The following MARK3 variants were observed in gnomAD, a reference collection of about 807,000 sequenced individuals.
The protein encoded by MARK3 is MAP/microtubule affinity-regulating kinase 3.
MARK3 carries 46 observed loss-of-function variants against 90.1 expected under a neutral mutation model. The ratio of observed to expected loss-of-function variants is 0.51; its 90% CI spans 0.40 to 0.65. The LOEUF is 0.65. Among genes scored for constraint, MARK3 ranks in the 30% least tolerant of loss-of-function variants. The pLI is 0.00. For missense variants in MARK3, 818 were observed against 947.2 expected (o/e 0.86, Z 1.79); for synonymous variants, 321 against 332.6 (o/e 0.97, Z 0.38).
chr14:103,470,709 A>G (rs2093612295), intron 12 of MARK3, among the ~76,000 whole-genome samples: 1 of 151,820 alleles, frequency 6.6e-6, no homozygotes, highest in South Asian at 2.1e-4. Context: ...CATCCACCTC[A>G]GCCTCCCAAA....
intron 15 of MARK3, among the ~76,000 whole-genome samples, chr14:103,495,874 G>A (rs1489323146): frequency 6.6e-6 from 1 of 152,236 alleles, no homozygotes; most frequent in Non-Finnish European, 1.5e-5. Flanking sequence ...ATAATTGGTA[G>A]GATTAAAATT....
rs149353753 is a variant in MARK3, at chr14:103,393,267, G to A, written c.51+7187G>A. Among the ~76,000 whole-genome samples, 54 of 152,154 alleles carry A rather than the reference G, an allele frequency of 3.5e-4. No homozygotes were observed. The East Asian group carries it at 0.01, about 29-fold the overall frequency. On this transcript the variant is annotated intron_variant, in intron 1 of 17. Coordinates refer to ENST00000429436, the MANE Select transcript of MARK3 (RefSeq NM_001128918.3). ...CTCCCAAAGTGCTGGAATTACAGGC[G>A]TGAGCCACTGTGCCCCGGCTTAATC...
intron 1 of MARK3, among the ~76,000 whole-genome samples, chr14:103,401,737 C>T (rs1286268611): frequency 6.6e-6 from 1 of 151,964 alleles, no homozygotes; most frequent in Non-Finnish European, 1.5e-5. Flanking sequence ...GTAAAAAAGC[C>T]AGTATGATGG....
intron 14 of MARK3, among the ~76,000 whole-genome samples, chr14:103,482,366 C>T (rs2093841427): frequency 3.3e-5 from 5 of 151,776 alleles, no homozygotes; most frequent in South Asian, 2.1e-4. Context: ...ACTAAAAATA[C>T]GAAAATTAAC....
intron 9 of MARK3, 64 bp from the exon 10 acceptor site, chr14:103,466,279 G>A: frequency 1.5e-6 from 2 of 1,347,804 alleles, no homozygotes; most frequent in East Asian, 4.8e-5. Context: ...ATAAATTTTT[G>A]TAAATATTAC....
chr14:103,493,344 T>C (rs1595933795), intron 15 of MARK3, among the ~76,000 whole-genome samples: 1 of 143,714 alleles, frequency 7.0e-6, no homozygotes, highest in East Asian at 2.2e-4. Context: ...AACCTCCGCC[T>C]AGATTAGGGA....
At chr14:103,458,006 C>A (rs1423497765) in intron 6 of MARK3, among the ~76,000 whole-genome samples, 1 of 152,194 alleles carries the variant, frequency 6.6e-6, no homozygotes, top group Admixed American at 6.5e-5. Context: ...GAGTCCCAAA[C>A]CCTCTGACCC....
rs1555395510 is a variant in MARK3, at chr14:103,468,314, C to CTTCT, written c.1264+130_1264+131insCTTT. ...CTTGGCATTGCTTTCTTTCTTTCTT[C>CTTCT]TTTTTTTTTTTTTTTTTTTTTTTTT... On this transcript the variant is annotated intron_variant, in intron 12 of 17. Coordinates refer to ENST00000429436, the MANE Select transcript of MARK3 (RefSeq NM_001128918.3). 407 of 116,136 alleles carry CTTCT rather than the reference C, an allele frequency of 3.5e-3. 40 individuals carry two copies. The highest frequency in any genetic ancestry group is 8.1e-3 in the African/African-American group (143 of 17,588). 7.2% of individuals were successfully genotyped at this position (116,136 alleles called of 1,614,324 possible). A position where few individuals can be genotyped will look rare whatever the true frequency, so the allele number is the denominator to read the frequency against.
At chr14:103,430,880 T>G (rs2092561573) in intron 3 of MARK3, among the ~76,000 whole-genome samples, 1 of 152,202 alleles carries the variant, frequency 6.6e-6, no homozygotes, top group South Asian at 2.1e-4. Context: ...TCCATTGTTT[T>G]TTAAGAGATG....
intron 12 of MARK3, among the ~76,000 whole-genome samples, chr14:103,473,502 C>G (rs747135954): frequency 6.6e-6 from 1 of 152,190 alleles, no homozygotes; most frequent in Non-Finnish European, 1.5e-5. Context: ...GTAGACGTCT[C>G]ATGGTATTGG....
chr14:103,462,193 C>T (rs1399119845), intron 6 of MARK3, among the ~76,000 whole-genome samples: 3 of 152,120 alleles, frequency 2.0e-5, no homozygotes, highest in African/African-American at 7.2e-5. Flanking sequence ...CAGTAGAAAA[C>T]GGAAGAACGT....
rs150138169 is a variant in MARK3 at position 103,412,705 on chromosome 14, G to C, written c.243+7438G>C. On this transcript the variant is annotated intron_variant, in intron 2 of 17. Coordinates refer to ENST00000429436, the MANE Select transcript of MARK3 (RefSeq NM_001128918.3). ...ACTTGGGGCACTTTCACTGGTTCCC[G>C]TGCAGGACTTCCTGCACCGCCTCAT... 1,167 of 630,352 alleles carry C rather than the reference G, an allele frequency of 1.9e-3. 27 individuals are homozygous for C. The highest frequency in any genetic ancestry group is 0.017 in the South Asian group (1,142 of 66,214). 39.0% of individuals were successfully genotyped at this position (630,352 alleles called of 1,614,324 possible). A position where few individuals can be genotyped will look rare whatever the true frequency, so the allele number is the denominator to read the frequency against.
chr14:103,390,274 C>T (rs564681990), intron 1 of MARK3, among the ~76,000 whole-genome samples: 8 of 152,058 alleles, frequency 5.3e-5, no homozygotes, highest in Admixed American at 1.3e-4. Context: ...GTTGCTGCAT[C>T]GTGTTATAGC....
rs542669208 is a variant in MARK3 at position 103,452,974 on chromosome 14, G to T, written c.412+991G>T. ...AATGCTTAGTCTGTTTGAAACAAAT[G>T]TGTGCTTTGGTTTAGATGCTTTTCT... is the stretch of plus-strand genomic sequence containing the variant. On this transcript the variant is annotated intron_variant, in intron 5 of 17. Transcript: ENST00000429436. 2.3e-3 allele frequency among the ~76,000 whole-genome samples: 347 copies of T among 152,290 alleles called. 1 individual carries two copies. The highest frequency in any genetic ancestry group is 3.4e-3 in the Non-Finnish European group (231 of 68,020).
intron 3 of MARK3, among the ~76,000 whole-genome samples, chr14:103,446,316 A>G (rs1419974069): frequency 6.6e-6 from 1 of 152,198 alleles, no homozygotes; most frequent in African/African-American, 2.4e-5. Flanking sequence ...ACCTGAGGTC[A>G]GGTGTTCGAG....
intron 2 of MARK3, among the ~76,000 whole-genome samples, chr14:103,420,789 C>T (rs757256628): frequency 3.3e-5 from 5 of 152,072 alleles, no homozygotes; most frequent in Non-Finnish European, 5.9e-5. Flanking sequence ...ATATGCAGAA[C>T]GGTGAAAAAA....
At chr14:103,389,760 A>T (rs952951411) in intron 1 of MARK3, among the ~76,000 whole-genome samples, 12 of 150,710 alleles carry the variant, frequency 8.0e-5, no homozygotes, top group Admixed American at 8.0e-4. Context: ...CCTGACCAAG[A>T]TGGCAAAACC....
At chr14:103,500,618 G>A (rs914947459) in intron 17 of MARK3, among the ~76,000 whole-genome samples, 69 of 152,166 alleles carry the variant, frequency 4.5e-4, no homozygotes, top group African/African-American at 1.6e-3. Context: ...TTATATAGTT[G>A]AGTGTTTTGC....
At chr14:103,461,759 G>A (rs1370717240) in intron 6 of MARK3, among the ~76,000 whole-genome samples, 1 of 152,084 alleles carries the variant, frequency 6.6e-6, no homozygotes, top group African/African-American at 2.4e-5. Flanking sequence ...GCACCAGGCC[G>A]GGCGCAGTGG....
Sources: gnomAD v4.1 joint callset for allele counts (sites outside exome capture counted in the v4.1 genomes callset) on GRCh38, gnomAD v4.1.1 for gene constraint, MANE v1.5 for transcripts, NCBI Gene and HGNC (gene_info 2026-07-23, HGNC 2026-07-21) for gene names.